The following ZNRF3 variants were observed in gnomAD, a reference collection of about 807,000 sequenced individuals.
ZNRF3 encodes the protein E3 ubiquitin-protein ligase ZNRF3.
Under a neutral mutation model 72.5 loss-of-function variants are expected in ZNRF3, and 23 were observed. The ratio of observed to expected loss-of-function variants is 0.32; its 90% CI spans 0.23 to 0.45. The LOEUF is 0.45. Ranked by LOEUF, ZNRF3 falls within the 20% of genes least tolerant of loss-of-function variation. The pLI, the probability that ZNRF3 is intolerant of heterozygous loss-of-function variation, is 1.00. For missense variants in ZNRF3, 1,169 were observed against 1,272.1 expected (o/e 0.92, Z 1.23); for synonymous variants, 610 against 545.3 (o/e 1.12, Z -1.65).
chr22:28,956,758 T>C (rs2035269573), intron 1 of ZNRF3, among the ~76,000 whole-genome samples: 1 of 152,214 alleles, frequency 6.6e-6, no homozygotes, highest in African/African-American at 2.4e-5. Context: ...TTGAGACTTC[T>C]CTTGGTGTGG....
rs776043312 is a variant in ZNRF3 at position 29,053,600 on chromosome 22, ACAG to A, written c.2797_2799del (p.Ser933del). The A allele has an allele frequency of 6.2e-7, 1 of 1,613,866 alleles. No homozygotes were observed. The highest frequency in any genetic ancestry group is 1.1e-5 in the South Asian group (1 of 91,056). ...CCAGGACCGAGATCTCACTCAGCAG[ACAG>A]CAGCAGCCCGGGAGCCTGAGCTCAG... On this transcript the variant is annotated inframe_deletion, in exon 9 of 9. Transcript: ENST00000544604.
chr22:28,917,383 A>T lies in ZNRF3; in HGVS notation c.300+33317A>T, dbSNP rs1003286019. On this transcript the variant is annotated intron_variant, in intron 1 of 8. Transcript: ENST00000544604. ...TCCTCAGGAGGCTGTGTTGTCAGCCATCTGTGCACAGAAGTTTGCTGCATC... is the reference window on the plus strand; with the variant it reads ...TCCTCAGGAGGCTGTGTTGTCAGCCTTCTGTGCACAGAAGTTTGCTGCATC... 5 of 984,704 alleles carry T rather than the reference A, an allele frequency of 5.1e-6. No individual in the cohort carries two copies. In the African/African-American group the frequency reaches 8.7e-5, roughly 17 times the overall value. The allele number at this position is 984,704 out of a possible 1,614,324, so 61.0% of individuals were successfully genotyped here.
chr22:29,009,587 A>G (rs2036314803), intron 2 of ZNRF3, among the ~76,000 whole-genome samples: 1 of 152,170 alleles, frequency 6.6e-6, no homozygotes, highest in Non-Finnish European at 1.5e-5. Context: ...CAATTTAAGT[A>G]AAAGAGAGGA....
At chr22:28,936,809 G>A (rs570780320) in intron 1 of ZNRF3, among the ~76,000 whole-genome samples, 5 of 152,248 alleles carry the variant, frequency 3.3e-5, no homozygotes, top group Non-Finnish European at 7.4e-5. Context: ...GAGTAGAGCT[G>A]AAATAAAAAT....
chr22:29,015,052 C>G (rs759690528), intron 2 of ZNRF3, among the ~76,000 whole-genome samples: 5 of 152,202 alleles, frequency 3.3e-5, no homozygotes, highest in Non-Finnish European at 7.3e-5. Context: ...TCAAACAGCA[C>G]TTTGCTACCA....
intron 2 of ZNRF3, chr22:28,992,580 C>T (rs2035975612): frequency 6.6e-6 from 1 of 152,218 alleles, no homozygotes; most frequent in South Asian, 2.1e-4. Flanking sequence ...GGGGCTCACA[C>T]TTAGGCTAGT....
intron 5 of ZNRF3, among the ~76,000 whole-genome samples, chr22:29,045,769 G>T (rs925619862): frequency 2.0e-5 from 3 of 152,184 alleles, no homozygotes; most frequent in Non-Finnish European, 4.4e-5. Context: ...GAGCCACCAC[G>T]CCCGTCCCAA....
chr22:28,971,596 C>T (rs1014020247), intron 1 of ZNRF3, among the ~76,000 whole-genome samples: 4 of 152,230 alleles, frequency 2.6e-5, no homozygotes, highest in Admixed American at 1.3e-4. Flanking sequence ...TGTGCCATCT[C>T]ACTCAGGTGG....
intron 1 of ZNRF3, among the ~76,000 whole-genome samples, chr22:28,890,841 T>C (rs2033872994): frequency 6.6e-6 from 1 of 152,064 alleles, no homozygotes; most frequent in Non-Finnish European, 1.5e-5. Flanking sequence ...CAGTGTACTC[T>C]TGGACTCCTG....
chr22:28,936,890 G>C (rs575159483), intron 1 of ZNRF3, among the ~76,000 whole-genome samples: 67 of 152,232 alleles, frequency 4.4e-4, no homozygotes, highest in African/African-American at 1.6e-3. Context: ...AGGAGGGGAA[G>C]AAGCTGGGGA....
chr22:28,902,105 G>A (rs2034117191), intron 1 of ZNRF3, among the ~76,000 whole-genome samples: 1 of 151,068 alleles, frequency 6.6e-6, no homozygotes, highest in Admixed American at 6.6e-5. Flanking sequence ...CCCAGTGAAT[G>A]TGTGTATTTT....
At chr22:29,042,787 TC>T (rs2036989672) in intron 3 of ZNRF3, among the ~76,000 whole-genome samples, 1 of 151,864 alleles carries the variant, frequency 6.6e-6, no homozygotes, top group Non-Finnish European at 1.5e-5. Context: ...TCTCTTTTTT[TC>T]CCCCGAGATG....
intron 1 of ZNRF3, among the ~76,000 whole-genome samples, chr22:28,904,341 C>T (rs2034164614): frequency 6.6e-6 from 1 of 152,200 alleles, no homozygotes; most frequent in East Asian, 1.9e-4. Flanking sequence ...AAGAGTTAAA[C>T]TCTAATTAGC....
In ZNRF3 at chr22:28,926,403, G is replaced by A. The variant is rs568095274; in HGVS notation, c.300+42337G>A. ...TCTCTATGTTACCTAGGCAGACCTC[G>A]AACTCCTGGGGTCAAGTGATCCTGC... On this transcript the variant is annotated intron_variant, in intron 1 of 8. Coordinates refer to ENST00000544604, the MANE Select transcript of ZNRF3 (RefSeq NM_001206998.2). 4.0e-5 allele frequency among the ~76,000 whole-genome samples: 6 copies of A among 151,612 alleles called. No individual in the cohort carries two copies. The East Asian group carries it at 5.8e-4, about 15-fold the overall frequency.
chr22:28,903,172 C>G (rs1322820872), intron 1 of ZNRF3, among the ~76,000 whole-genome samples: 1 of 152,190 alleles, frequency 6.6e-6, no homozygotes, highest in Non-Finnish European at 1.5e-5. Flanking sequence ...ACCTGCTTAT[C>G]CCTACTCTCT....
intron 1 of ZNRF3, among the ~76,000 whole-genome samples, chr22:28,946,105 C>T (rs188264512): frequency 3.8e-3 from 580 of 152,214 alleles, no homozygotes; most frequent in Admixed American, 7.0e-3. Flanking sequence ...TCAACTGGTC[C>T]GTATAATGCA....
intron 1 of ZNRF3, among the ~76,000 whole-genome samples, chr22:28,946,170 G>A (rs1018292212): frequency 1.3e-5 from 2 of 152,168 alleles, no homozygotes; most frequent in Non-Finnish European, 2.9e-5. Flanking sequence ...CCAGCCTGTA[G>A]TTTTATAAGT....
At chr22:28,990,529 A>T (rs2035934788) in intron 2 of ZNRF3, among the ~76,000 whole-genome samples, 1 of 152,128 alleles carries the variant, frequency 6.6e-6, no homozygotes, top group African/African-American at 2.4e-5. Flanking sequence ...TACTAAAAAT[A>T]CAAAATTAGC....
chr22:28,986,075 C>T (rs1340550205), intron 1 of ZNRF3, among the ~76,000 whole-genome samples: 1 of 152,212 alleles, frequency 6.6e-6, no homozygotes, highest in Non-Finnish European at 1.5e-5. Context: ...TGTGATTGCA[C>T]TGGACCAACC....
Sources: allele counts gnomAD v4.1 joint callset (sites outside exome capture counted in the v4.1 genomes callset), GRCh38; gene constraint gnomAD v4.1.1; transcripts MANE v1.5; gene names NCBI Gene and HGNC (gene_info 2026-07-23, HGNC 2026-07-21).